Variants in COL25A1 observed in about 807,000 individuals in gnomAD.
COL25A1 encodes collagen type XXV alpha 1 chain, also known as collagen alpha-1(XXV) chain.
COL25A1 carries 103 observed loss-of-function variants against 128.4 expected under a neutral mutation model. That is an observed-to-expected ratio of 0.80 (90% confidence interval 0.68 to 0.94). The LOEUF (loss-of-function observed/expected upper bound fraction) is 0.94, where lower values mean the gene tolerates loss of function less well. Ranked by LOEUF, COL25A1 falls within the 40% of genes least tolerant of loss-of-function variation. The pLI is 0.00. For synonymous variants in COL25A1, 279 were observed against 277.2 expected, an observed-to-expected ratio of 1.01 and a Z score of -0.06; for missense variants, 745 against 840.0, an observed-to-expected ratio of 0.89 and a Z score of 1.40.
At chr4:109,240,696 G>C (rs753469194) in intron 3 of COL25A1, among the ~76,000 whole-genome samples, 2 of 152,008 alleles carry the variant, frequency 1.3e-5, no homozygotes, top group Non-Finnish European at 2.9e-5. Context: ...AGACCCCACT[G>C]ACAGAAAGAC....
chr4:109,103,747 C>T (rs1766136356), intron 3 of COL25A1, among the ~76,000 whole-genome samples: 2 of 152,130 alleles, frequency 1.3e-5, no homozygotes, highest in East Asian at 1.9e-4. Flanking sequence ...CAACCACTAG[C>T]GTTCTGTCAA....
At chr4:108,843,148 CAAAAAAAAAA>C (rs540931971) in intron 30 of COL25A1, among the ~76,000 whole-genome samples, 1 of 88,306 alleles carries the variant, frequency 1.1e-5, no homozygotes, top group Non-Finnish European at 2.1e-5. Flanking sequence ...GACCCTGTCT[CAAAAAAAAAA>C]AAAAAAAAAA....
chr4:109,224,355 T>C (rs1440550811), intron 3 of COL25A1, among the ~76,000 whole-genome samples: 1 of 152,176 alleles, frequency 6.6e-6, no homozygotes, highest in Non-Finnish European at 1.5e-5. Context: ...AAACCACACC[T>C]GGAGGTCCTT....
chr4:108,830,699 C>T (rs1035818626), intron 32 of COL25A1, among the ~76,000 whole-genome samples: 2 of 152,252 alleles, frequency 1.3e-5, no homozygotes, highest in African/African-American at 4.8e-5. Context: ...GTTAATTCTG[C>T]TCCAGCACTG....
At chr4:108,823,731 T>C (rs1232554740) in intron 35 of COL25A1, 1 of 259,710 alleles carries the variant, frequency 3.9e-6, no homozygotes, top group African/African-American at 2.3e-5. Flanking sequence ...CATTTTCATA[T>C]AAAAAATATC....
intron 14 of COL25A1, among the ~76,000 whole-genome samples, chr4:108,900,020 G>GA (rs1212641825): frequency 4.6e-5 from 7 of 151,742 alleles, no homozygotes; most frequent in East Asian, 1.9e-4. Context: ...GACTGCTTTG[G>GA]AAAAAAAATG....
intron 19 of COL25A1, among the ~76,000 whole-genome samples, chr4:108,878,691 A>G (rs1193710277): frequency 3.3e-5 from 5 of 152,312 alleles, no homozygotes; most frequent in African/African-American, 1.2e-4. Flanking sequence ...AAAATGAACT[A>G]TAATAGCAGG....
Position 108,941,449 on chromosome 4 carries a change from G to T in COL25A1, c.493-12C>A, listed in dbSNP as rs1228370977. 6.2e-7 allele frequency: 1 copy of T among 1,610,176 alleles called. No homozygotes were observed. Among genetic ancestry groups the T allele is most frequent in the African/African-American group, 1.3e-5 (1 of 74,964 alleles). On this transcript the variant is annotated splice_polypyrimidine_tract_variant and intron_variant, in intron 8 of 37. Coordinates refer to ENST00000399132, the MANE Select transcript of COL25A1 (RefSeq NM_198721.4). Reference sequence around the variant, plus strand: ...TTAGGAAACACCATCTGATCAGTCAGTTGAGGTCAAAGGTTGAAGTTCAGA... The same window carrying T: ...TTAGGAAACACCATCTGATCAGTCATTTGAGGTCAAAGGTTGAAGTTCAGA...
chr4:108,985,294 A>G (rs966392731), intron 6 of COL25A1, among the ~76,000 whole-genome samples: 4 of 152,078 alleles, frequency 2.6e-5, no homozygotes, highest in Admixed American at 6.5e-5. Flanking sequence ...TGTCTCTTCA[A>G]TCATTCCCAT....
rs138391443 is a variant in COL25A1 at position 108,854,769 on chromosome 4, G to A, written c.1321-1844C>T. On this transcript the variant is annotated intron_variant, in intron 24 of 37. Transcript: ENST00000399132. Reference sequence around the variant, plus strand: ...ACACTTTTACACTGTTTGTGGGAGTGTAAACTAGTTCAACCATTGTGGAAG... The same window carrying A: ...ACACTTTTACACTGTTTGTGGGAGTATAAACTAGTTCAACCATTGTGGAAG... Among the ~76,000 whole-genome samples the A allele has an allele frequency of 4.2e-3, 637 of 152,260 alleles. 6 individuals are homozygous for A. The highest frequency in any genetic ancestry group is 0.015 in the African/African-American group (611 of 41,568).
chr4:108,949,181 T>C (rs1403546692), intron 8 of COL25A1, among the ~76,000 whole-genome samples: 1 of 152,198 alleles, frequency 6.6e-6, no homozygotes, highest in African/African-American at 2.4e-5. Context: ...TTTATTTATA[T>C]ACACTCTGCT....
intron 3 of COL25A1, among the ~76,000 whole-genome samples, chr4:109,272,959 C>T (rs912142425): frequency 2.0e-5 from 3 of 152,060 alleles, no homozygotes; most frequent in Non-Finnish European, 2.9e-5. Context: ...GTCAATTTGG[C>T]TTCATCCAAA....
intron 11 of COL25A1, among the ~76,000 whole-genome samples, chr4:108,933,288 G>A (rs933224550): frequency 6.6e-5 from 10 of 152,148 alleles, no homozygotes; most frequent in African/African-American, 2.4e-4. Flanking sequence ...AGGCCCTTAT[G>A]TAAGCAAGCA....
At chr4:108,860,776 A>T (rs1018336660) in intron 23 of COL25A1, 151 bp downstream of exon 23, 2 of 659,440 alleles carry the variant, frequency 3.0e-6, no homozygotes, top group African/African-American at 3.7e-5. Context: ...TAAAGGAGGT[A>T]GGGGTGTTTC....
intron 11 of COL25A1, among the ~76,000 whole-genome samples, chr4:108,935,705 C>A (rs1747317289): frequency 6.6e-6 from 1 of 151,688 alleles, no homozygotes; most frequent in Non-Finnish European, 1.5e-5. Context: ...GATAATAATG[C>A]AAGTGATTTA....
intron 3 of COL25A1, among the ~76,000 whole-genome samples, chr4:109,183,180 TAAAGG>T (rs140933294): frequency 0.041 from 6,236 of 152,042 alleles, 194 homozygotes; most frequent in Non-Finnish European, 0.059. Context: ...ACAAACACAT[TAAAGG>T]AAATTTTAAA....
At chr4:109,033,551 C>G (rs1359022798) in intron 5 of COL25A1, among the ~76,000 whole-genome samples, 1 of 152,162 alleles carries the variant, frequency 6.6e-6, no homozygotes, top group Non-Finnish European at 1.5e-5. Context: ...GGAAACAAAA[C>G]ATTTGGAACC....
At chr4:109,269,337 G>T (rs990676018) in intron 3 of COL25A1, among the ~76,000 whole-genome samples, 3 of 147,034 alleles carry the variant, frequency 2.0e-5, no homozygotes, top group African/African-American at 7.6e-5. Flanking sequence ...TATCATTGTT[G>T]GACATTTGGG....
chr4:109,108,762 T>A (rs1458832764), intron 3 of COL25A1, among the ~76,000 whole-genome samples: 1 of 148,228 alleles, frequency 6.7e-6, no homozygotes, highest in Non-Finnish European at 1.5e-5. Flanking sequence ...ATTATGGTTT[T>A]TTATTATTTT....
Sources: gnomAD v4.1 joint callset for allele counts (sites outside exome capture counted in the v4.1 genomes callset) on GRCh38, gnomAD v4.1.1 for gene constraint, MANE v1.5 for transcripts, NCBI Gene and HGNC (gene_info 2026-07-23, HGNC 2026-07-21) for gene names.